MYO6: variants seen among roughly 807,000 people sequenced by gnomAD.
MYO6 encodes the protein unconventional myosin-VI.
Under a neutral mutation model 178.7 loss-of-function variants are expected in MYO6, and 74 were observed. The observed-to-expected ratio is 0.41, with a 90% CI of 0.34 to 0.50. MYO6 has a LOEUF of 0.50. MYO6 is among the 20% of genes least tolerant of loss of function. The pLI is 0.09. For synonymous variants in MYO6, 477 were observed against 504.6 expected (o/e 0.95, Z 0.73); for missense variants, 1,330 against 1,547.4 (o/e 0.86, Z 2.36).
intron 32 of MYO6, among the ~76,000 whole-genome samples, chr6:75,910,192 G>C (rs554659146): frequency 9.9e-5 from 15 of 152,238 alleles, no homozygotes; most frequent in African/African-American, 3.6e-4. Context: ...AGTGAGTTCT[G>C]ACCACAGATT....
At chr6:75,911,999 T>C (rs1221795134) in intron 33 of MYO6, among the ~76,000 whole-genome samples, 1 of 152,028 alleles carries the variant, frequency 6.6e-6, no homozygotes, top group Non-Finnish European at 1.5e-5. Context: ...GTAGCAAAAC[T>C]CTTAACATAG....
chr6:75,895,822 A>G (rs1029909084), intron 29 of MYO6, among the ~76,000 whole-genome samples: 25 of 151,930 alleles, frequency 1.6e-4, no homozygotes, highest in African/African-American at 6.0e-4. Context: ...GGCCTGTTTT[A>G]TGTATTTTTT....
At chr6:75,840,712 T>A (rs771112277) in intron 8 of MYO6, 30 bp downstream of exon 8, 44 of 1,531,234 alleles carry the variant, frequency 2.9e-5, no homozygotes, top group Admixed American at 8.4e-5. Context: ...GGAATGATAT[T>A]TTTGGGGAGT....
At chr6:75,816,701 A>G (rs1481326556) in intron 1 of MYO6, among the ~76,000 whole-genome samples, 1 of 152,198 alleles carries the variant, frequency 6.6e-6, no homozygotes, top group Non-Finnish European at 1.5e-5. Flanking sequence ...AGTGAGGGAA[A>G]GTTTCCCAGA....
At chr6:75,758,299 G>C (rs1777641863) in intron 1 of MYO6, among the ~76,000 whole-genome samples, 1 of 152,090 alleles carries the variant, frequency 6.6e-6, no homozygotes, top group Non-Finnish European at 1.5e-5. Flanking sequence ...ATTTGCTTGG[G>C]TTAACCAGGC....
intron 7 of MYO6, among the ~76,000 whole-genome samples, chr6:75,839,192 T>A (rs1412941664): frequency 6.6e-6 from 1 of 151,650 alleles, no homozygotes; most frequent in Non-Finnish European, 1.5e-5. Flanking sequence ...TATTTTATTT[T>A]ATTTATTTAT....
chr6:75,752,044 G>C (rs1776944260), intron 1 of MYO6, among the ~76,000 whole-genome samples: 1 of 147,958 alleles, frequency 6.8e-6, no homozygotes, highest in Non-Finnish European at 1.5e-5. Context: ...CATCCAGGCT[G>C]TGCAGTGGCA....
chr6:75,810,541 C>T (rs1770596721), intron 1 of MYO6, among the ~76,000 whole-genome samples: 1 of 152,142 alleles, frequency 6.6e-6, no homozygotes, highest in Non-Finnish European at 1.5e-5. Flanking sequence ...GTCTGACCTC[C>T]CTTCCTGTCT....
At chr6:75,888,516 A>G (rs1005649326) in intron 25 of MYO6, among the ~76,000 whole-genome samples, 3 of 151,502 alleles carry the variant, frequency 2.0e-5, no homozygotes, top group African/African-American at 7.3e-5. Flanking sequence ...AGCTGAGGTT[A>G]GAGGATTGCT....
chr6:75,752,138 G>A (rs1353510002), intron 1 of MYO6, among the ~76,000 whole-genome samples: 3 of 151,864 alleles, frequency 2.0e-5, no homozygotes, highest in African/African-American at 7.3e-5. Context: ...GATTACAGGT[G>A]CCCGCCACCA....
In MYO6 at chr6:75,892,550, G is replaced by GGGA; in HGVS notation, c.2968_2969insGAG (p.Leu989_Ala990insGly). The GGGA allele has an allele frequency of 6.2e-7, 1 of 1,613,942 alleles. No individual in the cohort carries two copies. The highest frequency in any genetic ancestry group is 8.5e-7 in the Non-Finnish European group (1 of 1,180,002). On this transcript the variant is annotated inframe_insertion, in exon 28 of 35. Transcript: ENST00000369977. ...GTCAGGCTGAAGTGGAGGCACAGCTGGCCCGACAGAAGGAGGAGGAATCCC... is the reference window on the plus strand; with the variant it reads ...GTCAGGCTGAAGTGGAGGCACAGCTGGGAGCCCGACAGAAGGAGGAGGAATCCC...
chr6:75,768,292 T>G (rs1478392777), intron 1 of MYO6: 1 of 152,160 alleles, frequency 6.6e-6, no homozygotes, highest in East Asian at 1.9e-4. Flanking sequence ...TTAAAAAATT[T>G]CACAAAAGAG....
chr6:75,891,499 G>C (rs1027192781), intron 27 of MYO6, among the ~76,000 whole-genome samples, 193 bp downstream of exon 27: 4 of 152,088 alleles, frequency 2.6e-5, no homozygotes, highest in Admixed American at 1.3e-4. Flanking sequence ...GGACATGGTG[G>C]TGGGCACCTG....
rs727504743 is a variant in MYO6 at position 75,891,256 on chromosome 6, C to CAAG, written c.2907_2909dup (p.Glu970dup). The CAAG allele has an allele frequency of 1.9e-6, 3 of 1,608,078 alleles. No individual in the cohort carries two copies. Among genetic ancestry groups the CAAG allele is most frequent in the Non-Finnish European group, 2.6e-6 (3 of 1,176,278 alleles). On this transcript the variant is annotated inframe_insertion, in exon 27 of 35. Coordinates refer to ENST00000369977, the MANE Select transcript of MYO6 (RefSeq NM_004999.4). ...ACTTGAGATGGAAGCAAAGAGAAAACAAGAAGAAGAAGAGAGAAAGAAAAG... is the reference window on the plus strand; with the variant it reads ...ACTTGAGATGGAAGCAAAGAGAAAACAAGAAGAAGAAGAAGAGAGAAAGAAAAG...
chr6:75,768,110 CTTCT>C (rs1422233426), intron 1 of MYO6: 2 of 116,024 alleles, frequency 1.7e-5, no homozygotes, highest in Non-Finnish European at 4.0e-5. Context: ...CTATGGTGAT[CTTCT>C]TTGAGTCCTT....
At chr6:75,855,047 T>A in intron 11 of MYO6, 92 bp from the exon 12 acceptor site, 1 of 1,182,568 alleles carries the variant, frequency 8.5e-7, no homozygotes. Flanking sequence ...TTATATGGTT[T>A]TTTGTAAGTG....
At position 75,766,372 on chromosome 6, in the gene MYO6, A is replaced by G. The variant is rs550179850; in HGVS notation, c.-48+16949A>G. ...CTAGTAGACAGTGTAACCTACACAT[A>G]TGTGTGTGTGTGTATATTTTATATA... On this transcript the variant is annotated intron_variant, in intron 1 of 34. Transcript: ENST00000369977. Among the ~76,000 whole-genome samples the G allele has an allele frequency of 3.3e-5, 5 of 151,916 alleles. No individual in the cohort carries two copies. In the East Asian group the frequency reaches 7.7e-4, roughly 23 times the overall value.
At chr6:75,832,813 T>A in intron 5 of MYO6, 29 bp from the exon 6 acceptor site, 1 of 1,303,846 alleles carries the variant, frequency 7.7e-7, no homozygotes, top group Non-Finnish European at 1.1e-6. Flanking sequence ...AATATATTGC[T>A]CATCATTAAT....
chr6:75,753,763 G>A (rs1456838514), intron 1 of MYO6, among the ~76,000 whole-genome samples: 2 of 152,092 alleles, frequency 1.3e-5, no homozygotes, highest in African/African-American at 2.4e-5. Context: ...TGCCTTGCCG[G>A]CATTATATAA....
Sources: gnomAD v4.1 joint callset for allele counts (sites outside exome capture counted in the v4.1 genomes callset) on GRCh38, gnomAD v4.1.1 for gene constraint, MANE v1.5 for transcripts, NCBI Gene and HGNC (gene_info 2026-07-23, HGNC 2026-07-21) for gene names.